NAALADL2: variants seen among roughly 807,000 people sequenced by gnomAD.
NAALADL2 encodes the protein inactive N-acetylated-alpha-linked acidic dipeptidase-like protein 2.
A neutral mutation model predicts 87.2 loss-of-function variants in NAALADL2; 76 were observed. The observed-to-expected ratio is 0.87, with a 90% CI of 0.72 to 1.05. NAALADL2 has a LOEUF of 1.05. Among genes scored for constraint, NAALADL2 ranks in the 50% least tolerant of loss-of-function variants. The pLI is 0.00. For synonymous variants in NAALADL2, 354 were observed against 331.0 expected (o/e 1.07, Z -0.75); for missense variants, 1,089 against 945.8 (o/e 1.15, Z -1.99).
At chr3:175,367,113 G>A (rs1716099384) in intron 5 of NAALADL2, among the ~76,000 whole-genome samples, 1 of 151,110 alleles carries the variant, frequency 6.6e-6, no homozygotes, top group African/African-American at 2.5e-5. Context: ...TTATTAAATA[G>A]GGAATCCTTT....
intron 1 of NAALADL2, among the ~76,000 whole-genome samples, chr3:174,958,627 C>A (rs1165547837): frequency 1.3e-5 from 2 of 152,036 alleles, no homozygotes; most frequent in Non-Finnish European, 2.9e-5. Context: ...CAAGTGCCAG[C>A]ACAAGGAGAG....
At chr3:175,062,894 T>C (rs1713804866) in intron 1 of NAALADL2, among the ~76,000 whole-genome samples, 1 of 152,164 alleles carries the variant, frequency 6.6e-6, no homozygotes, top group Admixed American at 6.6e-5. Flanking sequence ...TGGATTTCAA[T>C]ATATTAAACT....
At chr3:175,693,739 G>T (rs759997024) in intron 11 of NAALADL2, among the ~76,000 whole-genome samples, 1 of 151,994 alleles carries the variant, frequency 6.6e-6, no homozygotes, top group African/African-American at 2.4e-5. Flanking sequence ...TTGCTCTTTC[G>T]CCAGGCTGGG....
At chr3:174,765,046 T>G (rs1713595845) in intron 3 of NAALADL2, among the ~76,000 whole-genome samples, 1 of 150,690 alleles carries the variant, frequency 6.6e-6, no homozygotes, top group African/African-American at 2.4e-5. Flanking sequence ...AAAGAGACAC[T>G]AAATAACCAA....
At chr3:175,798,170 A>G (rs1261516275) in intron 13 of NAALADL2, among the ~76,000 whole-genome samples, 1 of 152,104 alleles carries the variant, frequency 6.6e-6, no homozygotes, top group Non-Finnish European at 1.5e-5. Context: ...AATTTAAAGA[A>G]GATATTTTTG....
chr3:174,804,551 C>G (rs913019841), intron 3 of NAALADL2, among the ~76,000 whole-genome samples: 1 of 152,108 alleles, frequency 6.6e-6, no homozygotes, highest in Admixed American at 6.6e-5. Flanking sequence ...TGCCAGTTTT[C>G]AAAGGGAATG....
intron 11 of NAALADL2, among the ~76,000 whole-genome samples, chr3:175,701,903 T>C (rs1039100029): frequency 6.6e-6 from 1 of 152,208 alleles, no homozygotes; most frequent in Admixed American, 6.6e-5. Context: ...TTATCAATTG[T>C]ATTATGTGCC....
chr3:174,494,835 C>A (rs1718416564), intron 1 of NAALADL2, among the ~76,000 whole-genome samples: 1 of 152,066 alleles, frequency 6.6e-6, no homozygotes, highest in Non-Finnish European at 1.5e-5. Context: ...TGCTGCTAAT[C>A]ACAATAGGCA....
At chr3:174,848,639 T>A (rs1724902559) in intron 3 of NAALADL2, among the ~76,000 whole-genome samples, 1 of 152,218 alleles carries the variant, frequency 6.6e-6, no homozygotes, top group South Asian at 2.1e-4. Context: ...TCAGTTTCAT[T>A]TTCACAGCTT....
At chr3:175,147,739 G>A (rs571823461) in intron 2 of NAALADL2, among the ~76,000 whole-genome samples, 56 of 152,160 alleles carry the variant, frequency 3.7e-4, no homozygotes, top group African/African-American at 1.3e-3. Context: ...TTTCTCTGCA[G>A]CCTCGTCAGC....
Position 175,256,737 on chromosome 3 carries a change from A to G in NAALADL2, c.939+207A>G, listed in dbSNP as rs933328948. 4.9e-4 allele frequency: 187 copies of G among 379,098 alleles called. 1 individual carries two copies. Among genetic ancestry groups the G allele is most frequent in the Non-Finnish European group, 1.1e-4 (23 of 214,224 alleles). 23.5% of individuals were successfully genotyped at this position (379,098 alleles called of 1,614,324 possible). On this transcript the variant is annotated intron_variant, in intron 4 of 13. Coordinates refer to ENST00000454872, the MANE Select transcript of NAALADL2 (RefSeq NM_207015.3). ...TTAATTTAAGATATTTAAGAACAAT[A>G]TATTTATGCCCTTATTTCTTTAGAG...
intron 4 of NAALADL2, among the ~76,000 whole-genome samples, chr3:175,295,591 A>C (rs1335023575): frequency 6.6e-6 from 1 of 152,054 alleles, no homozygotes; most frequent in Non-Finnish European, 1.5e-5. Flanking sequence ...TCACAAGTCC[A>C]GCTTTCCCTG....
chr3:175,232,285 G>A (rs1335040116), intron 2 of NAALADL2, among the ~76,000 whole-genome samples: 3 of 152,032 alleles, frequency 2.0e-5, no homozygotes, highest in Non-Finnish European at 4.4e-5. Context: ...TGGGAAGAAA[G>A]CATGAATAGG....
chr3:174,852,334 A>G (rs1297395418), intron 3 of NAALADL2, among the ~76,000 whole-genome samples: 1 of 152,226 alleles, frequency 6.6e-6, no homozygotes, highest in East Asian at 1.9e-4. Flanking sequence ...TACTCCACCA[A>G]AAAAACAATT....
intron 1 of NAALADL2, among the ~76,000 whole-genome samples, chr3:174,449,720 G>A (rs535392992): frequency 8.5e-5 from 13 of 152,126 alleles, no homozygotes; most frequent in Non-Finnish European, 1.5e-4. Context: ...TGCTGTGCAA[G>A]CAATGCATTA....
intron 10 of NAALADL2, among the ~76,000 whole-genome samples, chr3:175,623,431 T>C (rs1017017590): frequency 6.6e-6 from 1 of 152,122 alleles, no homozygotes; most frequent in Non-Finnish European, 1.5e-5. Flanking sequence ...AAGCTTTAGT[T>C]CAGAAATCTT....
chr3:174,640,838 G>T (rs962136085), intron 2 of NAALADL2, among the ~76,000 whole-genome samples: 1 of 152,200 alleles, frequency 6.6e-6, no homozygotes, highest in African/African-American at 2.4e-5. Context: ...TATAGGAGAG[G>T]GCACTCCATT....
chr3:175,619,056 G>C (rs1414932830), intron 10 of NAALADL2, among the ~76,000 whole-genome samples: 1 of 152,126 alleles, frequency 6.6e-6, no homozygotes, highest in Non-Finnish European at 1.5e-5. Flanking sequence ...GGACAAAAAG[G>C]CGCCTCTGGA....
intron 6 of NAALADL2, among the ~76,000 whole-genome samples, chr3:175,451,046 A>G (rs1721490093): frequency 1.3e-5 from 2 of 152,060 alleles, no homozygotes; most frequent in Admixed American, 1.3e-4. Context: ...GGAAAGACGG[A>G]GAAAGAGAGA....
Sources: gnomAD v4.1 joint callset for allele counts (sites outside exome capture counted in the v4.1 genomes callset) on GRCh38, gnomAD v4.1.1 for gene constraint, MANE v1.5 for transcripts, NCBI Gene and HGNC (gene_info 2026-07-23, HGNC 2026-07-21) for gene names.